The following PATJ variants were observed in gnomAD, a reference collection of about 807,000 sequenced individuals.
PATJ encodes the protein PATJ crumbs cell polarity complex component, also known as inaD-like protein.
PATJ carries 190 observed loss-of-function variants against 224.9 expected under a neutral mutation model. The ratio of observed to expected loss-of-function variants is 0.84; its 90% CI spans 0.75 to 0.95. The LOEUF (loss-of-function observed/expected upper bound fraction) is 0.95. Ranked by LOEUF, PATJ falls within the 40% of genes least tolerant of loss-of-function variation. PATJ has a pLI of 0.00. For synonymous variants in PATJ, 769 were observed against 820.3 expected (o/e 0.94, Z 1.07); for missense variants, 2,121 against 2,270.3 (o/e 0.93, Z 1.34).
At chr1:61,778,762 G>A (rs1647076628) in intron 7 of PATJ, among the ~76,000 whole-genome samples, 1 of 152,028 alleles carries the variant, frequency 6.6e-6, no homozygotes, top group Admixed American at 6.6e-5. Flanking sequence ...GTGCAGTGGT[G>A]CAGTCTTGGC....
chr1:62,120,920 C>T (rs1349803871), intron 37 of PATJ: 1 of 388,190 alleles, frequency 2.6e-6, no homozygotes. Flanking sequence ...TGAAATGATT[C>T]TATGGTCTCC....
intron 27 of PATJ, among the ~76,000 whole-genome samples, chr1:61,985,609 TA>T (rs1422733153): frequency 6.6e-6 from 1 of 152,050 alleles, no homozygotes; most frequent in Non-Finnish European, 1.5e-5. Flanking sequence ...CACACAATTG[TA>T]AAGCTGTTTG....
chr1:61,747,801 C>T (rs146743671), intron 1 of PATJ, among the ~76,000 whole-genome samples: 1,610 of 152,282 alleles, frequency 0.011, 17 homozygotes, highest in Non-Finnish European at 0.015. Context: ...CACTCTCACA[C>T]GTGGGCATGG....
At chr1:62,057,386 A>G (rs1654725999) in intron 31 of PATJ, among the ~76,000 whole-genome samples, 1 of 152,210 alleles carries the variant, frequency 6.6e-6, no homozygotes. Context: ...GATCAGCAGC[A>G]GCCAGGCCAT....
chr1:61,923,469 AATT>A (rs1377224727), intron 26 of PATJ, among the ~76,000 whole-genome samples: 1 of 152,210 alleles, frequency 6.6e-6, no homozygotes, highest in African/African-American at 2.4e-5. Flanking sequence ...TCTCTTTAAA[AATT>A]ATTATCACTA....
intron 27 of PATJ, among the ~76,000 whole-genome samples, chr1:61,966,211 T>C (rs1682115972): frequency 6.6e-6 from 1 of 152,076 alleles, no homozygotes; most frequent in Admixed American, 6.5e-5. Context: ...ATTATTTATG[T>C]TGAAGTAGAC....
intron 27 of PATJ, among the ~76,000 whole-genome samples, chr1:61,962,376 C>T (rs1256768113): frequency 1.3e-5 from 2 of 152,154 alleles, no homozygotes; most frequent in African/African-American, 4.8e-5. Context: ...TGGGCACTGA[C>T]TATATGTCCT....
At chr1:62,083,978 G>A (rs1659615449) in intron 32 of PATJ, among the ~76,000 whole-genome samples, 1 of 152,132 alleles carries the variant, frequency 6.6e-6, no homozygotes, top group African/African-American at 2.4e-5. Context: ...TTTTAGCCAG[G>A]TGCAGTGGCT....
At chr1:61,983,967 G>A (rs559127745) in intron 27 of PATJ, among the ~76,000 whole-genome samples, 38 of 151,684 alleles carry the variant, frequency 2.5e-4, no homozygotes, top group Middle Eastern at 3.4e-3. Context: ...TGGGACTACA[G>A]GTGTCCACCC....
intron 18 of PATJ, among the ~76,000 whole-genome samples, chr1:61,859,274 C>A (rs561177839): frequency 1.3e-4 from 20 of 152,230 alleles, no homozygotes; most frequent in Admixed American, 1.3e-3. Context: ...GACCTTGGAG[C>A]ATTACTCTGA....
intron 16 of PATJ, among the ~76,000 whole-genome samples, chr1:61,831,445 T>C (rs1033029956): frequency 6.6e-6 from 1 of 151,986 alleles, no homozygotes. Context: ...CTGACAAAGA[T>C]CTAATATCCA....
intron 30 of PATJ, chr1:62,038,899 G>T: frequency 1.1e-6 from 1 of 881,964 alleles, no homozygotes; most frequent in Non-Finnish European, 1.9e-6. Context: ...CTCCATTGTT[G>T]GAGTCCTGTG....
chr1:62,156,451 A>T (rs1343441878), intron 43 of PATJ, among the ~76,000 whole-genome samples: 1 of 151,508 alleles, frequency 6.6e-6, no homozygotes, highest in East Asian at 1.9e-4. Flanking sequence ...AATCACTTGA[A>T]CCTGGGAGGC....
intron 31 of PATJ, among the ~76,000 whole-genome samples, chr1:62,063,406 A>T (rs1030520101): frequency 6.6e-6 from 1 of 152,028 alleles, no homozygotes; most frequent in Admixed American, 6.6e-5. Flanking sequence ...TAGTTATTAT[A>T]GCTATATAGT....
In PATJ at chr1:62,161,331, C is replaced by CTTT. The variant is rs557464862; in HGVS notation, c.*300_*302dup. ...GCATTTAATTTCAGTGTTCCGATTTCTTTTTTTTTTTTTTTTTTTTTTTTT... is the reference window on the plus strand; with the variant it reads ...GCATTTAATTTCAGTGTTCCGATTTCTTTTTTTTTTTTTTTTTTTTTTTTTTTT... On this transcript the variant is annotated 3_prime_UTR_variant, in exon 44 of 44. Coordinates refer to ENST00000642238, the MANE Select transcript of PATJ (RefSeq NM_001350145.3). The CTTT allele has an allele frequency of 6.5e-3, 601 of 92,984 alleles. 1 individual carries two copies. Among genetic ancestry groups the CTTT allele is most frequent in the Middle Eastern group, 8.6e-3 (1 of 116 alleles). The allele number at this position is 92,984 out of a possible 1,614,324, so 5.8% of individuals were successfully genotyped here.
At chr1:62,070,403 C>T (rs1657185756) in intron 31 of PATJ, among the ~76,000 whole-genome samples, 1 of 152,138 alleles carries the variant, frequency 6.6e-6, no homozygotes. Flanking sequence ...CACGTGGGTG[C>T]ATTTAAGATT....
At chr1:62,048,925 A>T (rs1291621121) in intron 30 of PATJ, among the ~76,000 whole-genome samples, 1 of 152,116 alleles carries the variant, frequency 6.6e-6, no homozygotes, top group African/African-American at 2.4e-5. Flanking sequence ...ATCTGAAAAA[A>T]TTTGAAGTCC....
At chr1:61,854,029 T>G (rs1328423392) in intron 17 of PATJ, among the ~76,000 whole-genome samples, 2 of 152,202 alleles carry the variant, frequency 1.3e-5, no homozygotes, top group African/African-American at 2.4e-5. Flanking sequence ...GATTTAAATA[T>G]GGTATATTTG....
In PATJ at chr1:62,018,085, C is replaced by T; in HGVS notation, c.3959+138C>T. On this transcript the variant is annotated intron_variant, in intron 29 of 43. Coordinates refer to ENST00000642238, the MANE Select transcript of PATJ (RefSeq NM_001350145.3). This position sits in a 1 kb window ranked among gnomAD's most constrained non-coding sequence, Gnocchi z 4.2. ...ACATATATTCCTTTTGTAACTGTCA[C>T]TTCAAGAAAAGTATTGATTGTTTTG... is the stretch of plus-strand genomic sequence containing the variant. The T allele has an allele frequency of 1.9e-6, 1 of 532,402 alleles. No individual in the cohort carries two copies. 33.0% of individuals were successfully genotyped at this position (532,402 alleles called of 1,614,324 possible).
Sources: gnomAD v4.1 joint callset for allele counts (sites outside exome capture counted in the v4.1 genomes callset) on GRCh38, gnomAD v4.1.1 for gene constraint, Gnocchi (gnomAD v3.1) non-coding constraint, MANE v1.5 for transcripts, NCBI Gene and HGNC (gene_info 2026-07-23, HGNC 2026-07-21) for gene names.